Variants in SF3A3 observed in about 807,000 individuals in gnomAD.
The protein encoded by SF3A3 is splicing factor 3a subunit 3, also known as SAP 61.
Under a neutral mutation model 85.8 loss-of-function variants are expected in SF3A3, and 9 were observed. The ratio of observed to expected loss-of-function variants is 0.10; its 90% CI spans 0.06 to 0.18. The LOEUF (loss-of-function observed/expected upper bound fraction) is 0.18, where lower values mean the gene tolerates loss of function less well. Among genes scored for constraint, SF3A3 ranks in the 10% least tolerant of loss-of-function variants. SF3A3 has a pLI of 1.00. For missense variants in SF3A3, 306 were observed against 593.3 expected (o/e 0.52, Z 5.03); for synonymous variants, 195 against 204.4 (o/e 0.95, Z 0.39).
rs201752083 is a variant in SF3A3 at position 37,969,499 on chromosome 1, T to C, written c.1171-35A>G. 2.5e-6 allele frequency: 4 copies of C among 1,612,732 alleles called. No homozygotes were observed. The Middle Eastern group carries it at 5.0e-4, about 200-fold the overall frequency. On this transcript the variant is annotated intron_variant, in intron 13 of 16. Coordinates refer to ENST00000373019, the MANE Select transcript of SF3A3 (RefSeq NM_006802.4). ...AAAAAAACAAAACAAAACCAAGAAG[T>C]GTTAGCCTACTAAACTCTGTATCTG...
chr1:37,987,759 T>C, intron 3 of SF3A3, 25 bp downstream of exon 3: 2 of 1,609,764 alleles, frequency 1.2e-6, no homozygotes, highest in Non-Finnish European at 1.7e-6. Context: ...CACTAACTCC[T>C]GGATTAGCTG....
At position 37,969,604 on chromosome 1, in the gene SF3A3, G is replaced by A; in HGVS notation, c.1137C>T (p.Asn379=). Residue 379 remains asparagine (N), a synonymous_variant, in exon 13 of 17, where the codon AAC becomes AAT. Transcript: ENST00000373019. ...CCCAGCCAAGTGGCAGGTTTTTGGG[G>A]TTGTAAATGATCTCGTTCTCTTCAT... The part of the protein sequence containing the change: ...SEDEENEIIY[N]PKNLPLGWDG... 1 of 1,614,186 alleles carries A rather than the reference G, an allele frequency of 6.2e-7. No homozygotes were observed. The highest frequency in any genetic ancestry group is 8.5e-7 in the Non-Finnish European group (1 of 1,180,028).
chr1:37,973,362 C>T (rs144134608), intron 12 of SF3A3, among the ~76,000 whole-genome samples: 45 of 152,256 alleles, frequency 3.0e-4, no homozygotes, highest in African/African-American at 7.9e-4. Context: ...TGTAATTACA[C>T]TAAAGAGCTT....
intron 15 of SF3A3, among the ~76,000 whole-genome samples, chr1:37,967,613 A>C (rs1180164233): frequency 7.7e-6 from 1 of 130,116 alleles, no homozygotes; most frequent in Non-Finnish European, 1.6e-5. Context: ...AGGAGGTGGA[A>C]CTTGCAGTGA....
chr1:37,978,672 G>A, intron 11 of SF3A3, 48 bp downstream of exon 11: 3 of 1,232,394 alleles, frequency 2.4e-6, no homozygotes, highest in Non-Finnish European at 3.4e-6. Context: ...TTCTGCATGG[G>A]AATAACATTT....
chr1:37,966,180 G>T (rs1168923229), intron 15 of SF3A3, among the ~76,000 whole-genome samples: 1 of 151,772 alleles, frequency 6.6e-6, no homozygotes, highest in Non-Finnish European at 1.5e-5. Flanking sequence ...TCCAGCTTGG[G>T]TGACAGAGCA....
intron 12 of SF3A3, among the ~76,000 whole-genome samples, chr1:37,970,644 T>G (rs1245469205): frequency 6.6e-6 from 1 of 152,082 alleles, no homozygotes; most frequent in African/African-American, 2.4e-5. Flanking sequence ...GAACAGAAAT[T>G]ATAACAAACT....
At chr1:37,973,492 G>A (rs925396690) in intron 12 of SF3A3, among the ~76,000 whole-genome samples, 1 of 151,974 alleles carries the variant, frequency 6.6e-6, no homozygotes, top group Non-Finnish European at 1.5e-5. Flanking sequence ...GAACTACAAA[G>A]AATCTACAAA....
intron 15 of SF3A3, among the ~76,000 whole-genome samples, chr1:37,963,319 A>G (rs2148715215): frequency 6.6e-6 from 1 of 152,160 alleles, no homozygotes; most frequent in Middle Eastern, 3.4e-3. Context: ...GTCTCAGAAA[A>G]AGAGAGAGAA....
chr1:37,961,661 T>G (rs1215399329), intron 15 of SF3A3, among the ~76,000 whole-genome samples: 1 of 144,902 alleles, frequency 6.9e-6, no homozygotes, highest in African/African-American at 2.6e-5. Flanking sequence ...AGAAGTTATG[T>G]GCTTACTATG....
At chr1:37,964,567 C>T (rs577072195) in intron 15 of SF3A3, among the ~76,000 whole-genome samples, 2 of 152,094 alleles carry the variant, frequency 1.3e-5, no homozygotes, top group East Asian at 1.9e-4. Context: ...GAGATCACGC[C>T]ACTGCACTCC....
intron 14 of SF3A3, among the ~76,000 whole-genome samples, chr1:37,969,014 T>C (rs1030808337): frequency 6.6e-6 from 1 of 152,304 alleles, no homozygotes; most frequent in Non-Finnish European, 1.5e-5. Context: ...ATTTTTTATC[T>C]TGAGTATTAG....
At position 37,976,874 on chromosome 1, in the gene SF3A3, AG is replaced by A. The variant is rs766174354; in HGVS notation, c.1005+9del. ...ATACCATTTTCCACTTTCAGCAGTCAGTCACTTACCCCGAGAATCTCTACAT... is the reference window on the plus strand; with the variant it reads ...ATACCATTTTCCACTTTCAGCAGTCATCACTTACCCCGAGAATCTCTACAT... On this transcript the variant is annotated intron_variant, in intron 12 of 16. Transcript: ENST00000373019. 23 of 1,544,092 alleles carry A rather than the reference AG, an allele frequency of 1.5e-5. No homozygotes were observed. The highest frequency in any genetic ancestry group is 2.1e-5 in the Non-Finnish European group (23 of 1,116,596).
chr1:37,982,931 CA>C (rs200127257), intron 6 of SF3A3, among the ~76,000 whole-genome samples: 94 of 149,478 alleles, frequency 6.3e-4, no homozygotes, highest in Admixed American at 9.3e-4. Flanking sequence ...CCTATTTCTA[CA>C]AAAAAAAATT....
intron 4 of SF3A3, among the ~76,000 whole-genome samples, chr1:37,985,121 T>C (rs1000129607): frequency 1.3e-5 from 2 of 152,216 alleles, no homozygotes; most frequent in African/African-American, 4.8e-5. Context: ...GGCGGATTTT[T>C]CAATGTAAAA....
At position 37,968,033 on chromosome 1, in the gene SF3A3, A is replaced by G; in HGVS notation, c.1372+11T>C. 2 of 1,564,142 alleles carry G rather than the reference A, an allele frequency of 1.3e-6. No individual in the cohort carries two copies. Among genetic ancestry groups the G allele is most frequent in the Non-Finnish European group, 1.8e-6 (2 of 1,134,188 alleles). ...TACTCGCCTAGGAGACAGTAAATAA[A>G]TCTTACTTACAGGAGACAGCATCTT... On this transcript the variant is annotated intron_variant, in intron 15 of 16. Coordinates refer to ENST00000373019, the MANE Select transcript of SF3A3 (RefSeq NM_006802.4).
intron 8 of SF3A3, among the ~76,000 whole-genome samples, chr1:37,980,349 G>A (rs1243925126): frequency 6.6e-6 from 1 of 151,910 alleles, no homozygotes; most frequent in East Asian, 1.9e-4. Context: ...GCTTGAACCC[G>A]GGAAGCGGAG....
At chr1:37,976,992 C>G in intron 11 of SF3A3, 39 bp from the exon 12 acceptor site, 2 of 1,437,912 alleles carry the variant, frequency 1.4e-6, no homozygotes, top group Non-Finnish European at 2.0e-6. Context: ...CAAGGATTCT[C>G]TCATCCATTG....
rs1646226577 is a variant in SF3A3, at chr1:37,957,375, T to TTCCC, written c.*810_*811insGGGA. 3 of 100,570 alleles carry TTCCC rather than the reference T, an allele frequency of 3.0e-5. No individual in the cohort carries two copies. Among genetic ancestry groups the TTCCC allele is most frequent in the Non-Finnish European group, 4.2e-5 (2 of 47,954 alleles). 6.2% of individuals were successfully genotyped at this position (100,570 alleles called of 1,614,324 possible). On this transcript the variant is annotated 3_prime_UTR_variant, in exon 17 of 17. Transcript: ENST00000373019. ...CAGGCCCATTCCAACACAGCCCAAC[T>TTCCC]CCCCCCCCCCCCCCTTTTTTTTTTT...
Sources: allele counts gnomAD v4.1 joint callset (sites outside exome capture counted in the v4.1 genomes callset), GRCh38; gene constraint gnomAD v4.1.1; transcripts MANE v1.5; gene names NCBI Gene and HGNC (gene_info 2026-07-23, HGNC 2026-07-21).